Variants in PICALM observed in about 807,000 individuals in gnomAD.
PICALM encodes phosphatidylinositol-binding clathrin assembly protein.
PICALM carries 40 observed loss-of-function variants against 80.5 expected under a neutral mutation model. The ratio of observed to expected loss-of-function variants is 0.50; its 90% CI spans 0.39 to 0.65. The LOEUF (loss-of-function observed/expected upper bound fraction) is 0.65. PICALM is among the 30% of genes least tolerant of loss of function. The probability of loss-of-function intolerance (pLI) is 0.00; values close to 1 mark genes in which losing one functional copy is unlikely to be tolerated. For missense variants in PICALM, 676 were observed against 778.9 expected (o/e 0.87, Z 1.57); for synonymous variants, 288 against 260.3 (o/e 1.11, Z -1.02).
chr11:86,048,962 CA>C (rs1289598768), intron 1 of PICALM, among the ~76,000 whole-genome samples: 1 of 151,508 alleles, frequency 6.6e-6, no homozygotes, highest in African/African-American at 2.4e-5. Context: ...GTATATCTTC[CA>C]ATTCTGAAAA....
intron 19 of PICALM, among the ~76,000 whole-genome samples, chr11:85,963,943 T>TTTTTTTTA (rs1555002813): frequency 6.8e-6 from 1 of 146,346 alleles, no homozygotes; most frequent in Non-Finnish European, 1.5e-5. Flanking sequence ...TTTTTTTTTT[T>TTTTTTTTA]ATTAAAGTTA....
In PICALM at chr11:86,068,850, G is replaced by C; in HGVS notation, c.-70C>G. On this transcript the variant is annotated 5_prime_UTR_variant, in exon 1 of 20. Transcript: ENST00000393346. ...GACTGGGACCCCCAAGAGCCGGAGG[G>C]TCCCCACCCCCCACCGCACCCCCTA... 6.7e-7 allele frequency: 1 copy of C among 1,498,498 alleles called. No individual in the cohort carries two copies. Among genetic ancestry groups the C allele is most frequent in the Non-Finnish European group, 8.9e-7 (1 of 1,126,638 alleles). 92.8% of individuals were successfully genotyped at this position (1,498,498 alleles called of 1,614,324 possible).
chr11:86,032,352 T>C (rs543814434), intron 1 of PICALM, among the ~76,000 whole-genome samples: 10 of 152,338 alleles, frequency 6.6e-5, no homozygotes, highest in African/African-American at 2.2e-4. Flanking sequence ...TTGGGTGCGG[T>C]GGCTCACCCC....
At chr11:86,011,794 T>TC (rs1190626267) in intron 6 of PICALM, among the ~76,000 whole-genome samples, 1 of 152,006 alleles carries the variant, frequency 6.6e-6, no homozygotes, top group African/African-American at 2.4e-5. Context: ...TTTGTTTTTT[T>TC]CCCATCTTTT....
At chr11:85,991,373 C>T (rs1287832258) in intron 12 of PICALM, among the ~76,000 whole-genome samples, 2 of 152,064 alleles carry the variant, frequency 1.3e-5, no homozygotes, top group South Asian at 4.1e-4. Context: ...ACTGTGGTAT[C>T]TTCATAGTAC....
intron 1 of PICALM, among the ~76,000 whole-genome samples, chr11:86,046,488 T>C (rs1264783816): frequency 6.6e-6 from 1 of 152,212 alleles, no homozygotes; most frequent in Non-Finnish European, 1.5e-5. Context: ...ATTACAAATA[T>C]TTTCATTTCT....
At chr11:86,037,528 G>C (rs1005030481) in intron 1 of PICALM, among the ~76,000 whole-genome samples, 1 of 151,068 alleles carries the variant, frequency 6.6e-6, no homozygotes, top group Non-Finnish European at 1.5e-5. Flanking sequence ...AAAGTGCTGG[G>C]ATTACAGGCG....
intron 19 of PICALM, among the ~76,000 whole-genome samples, chr11:85,964,875 G>C (rs1349438406): frequency 6.6e-6 from 1 of 152,124 alleles, no homozygotes; most frequent in African/African-American, 2.4e-5. Context: ...GATAAAACAA[G>C]CTCCATATAA....
chr11:86,068,564 G>C, intron 1 of PICALM, 87 bp downstream of exon 1: 1 of 1,291,094 alleles, frequency 7.7e-7, no homozygotes, highest in South Asian at 1.4e-5. Context: ...AGAGGCAGTA[G>C]AAGGGTGAAA....
chr11:85,976,196 C>G (rs1431916489), intron 18 of PICALM, among the ~76,000 whole-genome samples: 1 of 152,106 alleles, frequency 6.6e-6, no homozygotes, highest in African/African-American at 2.4e-5. Flanking sequence ...TGTTTTTGTA[C>G]TGTAATAATC....
At chr11:85,976,489 T>C (rs1052216241) in intron 18 of PICALM, 134 bp downstream of exon 18, 21 of 582,926 alleles carry the variant, frequency 3.6e-5, no homozygotes, top group Non-Finnish European at 5.7e-5. Context: ...ACCAATGCTA[T>C]GGTTCTACTG....
chr11:85,998,091 T>C (rs1301309394), intron 11 of PICALM, among the ~76,000 whole-genome samples: 1 of 145,730 alleles, frequency 6.9e-6, no homozygotes, highest in African/African-American at 2.6e-5. Flanking sequence ...TTACATGATA[T>C]ATTTCTACCT....
At chr11:86,012,595 G>A (rs76523793) in intron 5 of PICALM, among the ~76,000 whole-genome samples, 3,111 of 152,198 alleles carry the variant, frequency 0.02, 114 homozygotes, top group African/African-American at 0.071. Flanking sequence ...TATTAAATTT[G>A]CTGTAACCAG....
intron 19 of PICALM, among the ~76,000 whole-genome samples, chr11:85,965,361 C>A (rs997705526): frequency 1.3e-5 from 2 of 152,128 alleles, no homozygotes; most frequent in African/African-American, 2.4e-5. Flanking sequence ...CACAAACAGA[C>A]TTAGACAATG....
Position 85,986,365 on chromosome 11 carries a change from A to ATTTTTTTTTTTTTTTTTTTTTTT in PICALM, c.1409-2415_1409-2393dup, listed in dbSNP as rs775072780. Among the ~76,000 whole-genome samples the ATTTTTTTTTTTTTTTTTTTTTTT allele has an allele frequency of 1.1e-4, 8 of 73,750 alleles. 2 individuals carry two copies. Among genetic ancestry groups the ATTTTTTTTTTTTTTTTTTTTTTT allele is most frequent in the East Asian group, 5.5e-4 (1 of 1,806 alleles). The allele number at this position is 73,750 out of a possible 152,430, so 48.4% of individuals were successfully genotyped here. A position where few individuals can be genotyped will look rare whatever the true frequency, so the allele number is the denominator to read the frequency against. On this transcript the variant is annotated intron_variant, in intron 13 of 19. Transcript: ENST00000393346. Reference sequence around the variant, plus strand: ...AAACTATCAGGACTGCCAACTTTTAATTTTTTTTTTTTTTTTTTTTTTTTT... The same window carrying ATTTTTTTTTTTTTTTTTTTTTTT: ...AAACTATCAGGACTGCCAACTTTTAATTTTTTTTTTTTTTTTTTTTTTTTTTTTTTTTTTTTTTTTTTTTTTTT...
chr11:85,995,341 T>C (rs2094925442), intron 12 of PICALM, among the ~76,000 whole-genome samples: 1 of 152,192 alleles, frequency 6.6e-6, no homozygotes, highest in Non-Finnish European at 1.5e-5. Flanking sequence ...TATTCCAATA[T>C]ATTGCAGTCT....
At chr11:86,023,084 T>C (rs899983702) in intron 3 of PICALM, among the ~76,000 whole-genome samples, 3 of 152,200 alleles carry the variant, frequency 2.0e-5, no homozygotes, top group African/African-American at 7.2e-5. Context: ...TTGAAAACTT[T>C]AGCAACATAA....
chr11:86,027,971 T>C lies in PICALM; in HGVS notation c.274-1604A>G, dbSNP rs925132301. ...AATATCGTAAGACAATATTAGACTA[T>C]GATTTTAATAGATTTTGATAAGACT... On this transcript the variant is annotated intron_variant, in intron 2 of 19. Coordinates refer to ENST00000393346, the MANE Select transcript of PICALM (RefSeq NM_007166.4). Among the ~76,000 whole-genome samples the C allele has an allele frequency of 1.8e-3, 281 of 152,334 alleles. 1 individual carries two copies. Among genetic ancestry groups the C allele is most frequent in the African/African-American group, 6.4e-3 (264 of 41,566 alleles).
intron 6 of PICALM, among the ~76,000 whole-genome samples, chr11:86,011,855 T>A (rs11234512): frequency 0.21 from 32,057 of 150,302 alleles, 3,770 homozygotes; most frequent in African/African-American, 0.25. Flanking sequence ...CTTTTTGTTT[T>A]TTTTTTTTTT....
Sources: gnomAD v4.1 joint callset for allele counts (sites outside exome capture counted in the v4.1 genomes callset) on GRCh38, gnomAD v4.1.1 for gene constraint, MANE v1.5 for transcripts, NCBI Gene and HGNC (gene_info 2026-07-23, HGNC 2026-07-21) for gene names.